The following RBFOX2 variants were observed in gnomAD, a reference collection of about 807,000 sequenced individuals.
The protein encoded by RBFOX2 is RNA binding fox-1 homolog 2, also known as RNA binding protein fox-1 homolog 2.
In RBFOX2, 10 loss-of-function variants were observed where a neutral mutation model predicts 49.1. The ratio of observed to expected loss-of-function variants is 0.20; its 90% CI spans 0.13 to 0.35. RBFOX2 has a LOEUF of 0.35. Among genes scored for constraint, RBFOX2 ranks in the 10% least tolerant of loss-of-function variants. The probability of loss-of-function intolerance (pLI) is 1.00; values close to 1 mark genes in which losing one functional copy is unlikely to be tolerated. For synonymous variants in RBFOX2, 183 were observed against 187.4 expected (o/e 0.98, Z 0.19); for missense variants, 323 against 486.9 (o/e 0.66, Z 3.17).
At chr22:35,818,143 T>C (rs964912306) in intron 1 of RBFOX2, among the ~76,000 whole-genome samples, 3 of 152,212 alleles carry the variant, frequency 2.0e-5, no homozygotes, top group African/African-American at 4.8e-5. Flanking sequence ...CAACAAACCC[T>C]GTAATAGTCT....
At chr22:35,986,616 C>T (rs1468011519) in intron 1 of RBFOX2, among the ~76,000 whole-genome samples, 2 of 152,180 alleles carry the variant, frequency 1.3e-5, no homozygotes, top group African/African-American at 4.8e-5. Context: ...TTTATGCCCA[C>T]CCCCTTTAAG....
intron 1 of RBFOX2, chr22:35,994,572 A>AT (rs2058111619): frequency 6.6e-6 from 1 of 151,332 alleles, no homozygotes; most frequent in Admixed American, 6.6e-5. Context: ...TACCCAGTTA[A>AT]TTTTTTAATT....
intron 1 of RBFOX2, among the ~76,000 whole-genome samples, chr22:35,989,187 T>C (rs910346681): frequency 4.6e-5 from 7 of 152,162 alleles, no homozygotes; most frequent in African/African-American, 1.2e-4. Flanking sequence ...TGTCAGCATA[T>C]AGATGATAAA....
At chr22:35,973,295 A>T (rs2056977735) in intron 1 of RBFOX2, among the ~76,000 whole-genome samples, 1 of 152,230 alleles carries the variant, frequency 6.6e-6, no homozygotes, top group African/African-American at 2.4e-5. Flanking sequence ...ATTATATTTC[A>T]CAATGAAATT....
At chr22:35,795,308 G>T (rs1948581949) in intron 2 of RBFOX2, among the ~76,000 whole-genome samples, 1 of 152,108 alleles carries the variant, frequency 6.6e-6, no homozygotes, top group African/African-American at 2.4e-5. Flanking sequence ...TTCCTCCGTA[G>T]TCCAAGACCT....
intron 1 of RBFOX2, among the ~76,000 whole-genome samples, chr22:35,871,512 T>A (rs764648952): frequency 3.3e-5 from 5 of 152,236 alleles, no homozygotes; most frequent in Non-Finnish European, 7.3e-5. Context: ...ACTTATTATG[T>A]GCTGCAGATG....
intron 1 of RBFOX2, among the ~76,000 whole-genome samples, chr22:35,919,895 C>A (rs914610264): frequency 6.6e-6 from 1 of 152,216 alleles, no homozygotes; most frequent in East Asian, 1.9e-4. Context: ...ACCTTTCCTA[C>A]GAAAACGACT....
At chr22:35,746,035 G>C in intron 10 of RBFOX2, 40 bp from the exon 13 acceptor site, 1 of 1,546,120 alleles carries the variant, frequency 6.5e-7, no homozygotes. Context: ...AAAGAAAAGT[G>C]TATGATCTAA....
chr22:35,808,477 T>C (rs553690914), intron 2 of RBFOX2, among the ~76,000 whole-genome samples: 37 of 152,232 alleles, frequency 2.4e-4, no homozygotes, highest in African/African-American at 7.9e-4. Flanking sequence ...TAACCAGATA[T>C]AGGAAAGAGA....
At chr22:35,942,860 C>T (rs151082038), upstream of RBFOX2, among the ~76,000 whole-genome samples, 31 of 152,276 alleles carry the variant, frequency 2.0e-4, no homozygotes, top group East Asian at 3.5e-3. Context: ...CCAAATTTTA[C>T]ATTGTGTAAA....
chr22:35,768,790 C>T (rs1398828603), intron 4 of RBFOX2, among the ~76,000 whole-genome samples: 1 of 152,108 alleles, frequency 6.6e-6, no homozygotes, highest in Non-Finnish European at 1.5e-5. Context: ...CTATTATTTT[C>T]CAGTAACTGC....
chr22:35,881,657 T>A, intron 1 of RBFOX2, among the ~76,000 whole-genome samples: 1 of 151,532 alleles, frequency 6.6e-6, no homozygotes, highest in East Asian at 2.0e-4. Flanking sequence ...TATTCTTATT[T>A]CTTAATTATA....
intron 2 of RBFOX2, among the ~76,000 whole-genome samples, chr22:35,802,437 C>A (rs2147910121): frequency 6.6e-6 from 1 of 152,248 alleles, no homozygotes; most frequent in Non-Finnish European, 1.5e-5. Flanking sequence ...AGAAATCAAT[C>A]AATGGCAGAC....
intron 1 of RBFOX2, among the ~76,000 whole-genome samples, chr22:36,001,536 G>T (rs569304136): frequency 6.6e-6 from 1 of 152,224 alleles, no homozygotes; most frequent in South Asian, 2.1e-4. Context: ...TGAGGTGGGG[G>T]ATCACTTAAG....
chr22:35,794,961 T>C (rs1948494128), intron 2 of RBFOX2, among the ~76,000 whole-genome samples: 1 of 152,142 alleles, frequency 6.6e-6, no homozygotes, highest in Admixed American at 6.5e-5. Flanking sequence ...GAGTTAGCAA[T>C]ATTAACATGT....
At chr22:35,926,464 A>G (rs2013791062) in intron 1 of RBFOX2, among the ~76,000 whole-genome samples, 1 of 152,226 alleles carries the variant, frequency 6.6e-6, no homozygotes, top group Non-Finnish European at 1.5e-5. Context: ...CCTATATACA[A>G]AATAACAGGT....
At chr22:35,877,157 A>C (rs1166280063) in intron 1 of RBFOX2, among the ~76,000 whole-genome samples, 1 of 152,230 alleles carries the variant, frequency 6.6e-6, no homozygotes, top group Non-Finnish European at 1.5e-5. Context: ...ACCATAAATT[A>C]GGTAATTTTT....
intron 1 of RBFOX2, among the ~76,000 whole-genome samples, chr22:35,985,825 T>C (rs1171153036): frequency 6.6e-6 from 1 of 152,050 alleles, no homozygotes. Context: ...GGAGGATCAC[T>C]GGAGCCCAGA....
At chr22:36,016,605 A>G (rs1224495349) in intron 1 of RBFOX2, among the ~76,000 whole-genome samples, 1 of 152,194 alleles carries the variant, frequency 6.6e-6, no homozygotes, top group African/African-American at 2.4e-5. Flanking sequence ...CATGGGAAAA[A>G]TCCCACACAC....
Sources: gnomAD v4.1 joint callset for allele counts (sites outside exome capture counted in the v4.1 genomes callset) on GRCh38, gnomAD v4.1.1 for gene constraint, MANE v1.5 for transcripts, NCBI Gene and HGNC (gene_info 2026-07-23, HGNC 2026-07-21) for gene names.